The following SGCD variants were observed in gnomAD, a reference collection of about 807,000 sequenced individuals.
SGCD encodes the protein delta-sarcoglycan.
In SGCD, 18 loss-of-function variants were observed where a neutral mutation model predicts 36.6. That is an observed-to-expected ratio of 0.49 (90% CI 0.34 to 0.73). SGCD has a LOEUF of 0.73. Among genes scored for constraint, SGCD ranks in the 30% least tolerant of loss-of-function variants. The pLI, the probability that SGCD is intolerant of heterozygous loss-of-function variation, is 0.01. For synonymous variants in SGCD, 133 were observed against 130.6 expected (o/e 1.02, Z -0.12); for missense variants, 387 against 346.7 (o/e 1.12, Z -0.92).
the SGCD span, among the ~76,000 whole-genome samples, chr5:155,757,005 T>C: frequency 6.6e-6 from 1 of 152,152 alleles, no homozygotes; most frequent in Non-Finnish European, 1.5e-5. Flanking sequence ...CGGTAAGCAG[T>C]GGGTGATACC....
intron 4 of SGCD, among the ~76,000 whole-genome samples, chr5:156,535,008 A>G (rs1306434734): frequency 6.6e-6 from 1 of 152,240 alleles, no homozygotes; most frequent in Non-Finnish European, 1.5e-5. Context: ...TGCAATGCTC[A>G]GTTGACTCAT....
At chr5:156,358,316 G>A (rs1769592099) in intron 3 of SGCD, among the ~76,000 whole-genome samples, 1 of 152,116 alleles carries the variant, frequency 6.6e-6, no homozygotes, top group Admixed American at 6.5e-5. Context: ...AACCTGCATT[G>A]CAATCCTTGG....
intron 1 of SGCD, among the ~76,000 whole-genome samples, chr5:155,964,512 AT>A (rs1561665311): frequency 6.6e-6 from 1 of 151,692 alleles, no homozygotes; most frequent in East Asian, 1.9e-4. Context: ...CTAATTTTCT[AT>A]TTTTCGTAGA....
intron 3 of SGCD, among the ~76,000 whole-genome samples, chr5:156,319,803 T>C (rs1767611051): frequency 6.6e-6 from 1 of 152,226 alleles, no homozygotes; most frequent in Admixed American, 6.5e-5. Context: ...AGGTTGGACT[T>C]GATGACATAT....
chr5:155,975,425 CA>C (rs1270641724), intron 1 of SGCD, among the ~76,000 whole-genome samples: 1 of 151,914 alleles, frequency 6.6e-6, no homozygotes, highest in Non-Finnish European at 1.5e-5. Flanking sequence ...GACGGTCCCC[CA>C]AGCAAAGAAT....
At chr5:156,380,230 T>C (rs1251679453) in intron 3 of SGCD, among the ~76,000 whole-genome samples, 1 of 152,200 alleles carries the variant, frequency 6.6e-6, no homozygotes, top group Non-Finnish European at 1.5e-5. Flanking sequence ...AGAGAATTGC[T>C]GCAGTAACAA....
chr5:155,811,571 G>A, the SGCD span, among the ~76,000 whole-genome samples: 2 of 152,172 alleles, frequency 1.3e-5, no homozygotes, highest in Non-Finnish European at 2.9e-5. Flanking sequence ...CCAAAAATAA[G>A]CCACCATACG....
intron 7 of SGCD, among the ~76,000 whole-genome samples, chr5:156,734,484 G>A (rs1314907518): frequency 6.6e-6 from 1 of 152,036 alleles, no homozygotes; most frequent in Non-Finnish European, 1.5e-5. Context: ...TTTCTAAATT[G>A]GCTCCATTCT....
intron 1 of SGCD, among the ~76,000 whole-genome samples, chr5:155,912,705 C>A (rs1333535743): frequency 6.6e-6 from 1 of 152,120 alleles, no homozygotes; most frequent in African/African-American, 2.4e-5. Context: ...AGTATGATAG[C>A]CAATTCATTT....
chr5:156,109,642 C>T (rs1761736385), intron 1 of SGCD, among the ~76,000 whole-genome samples: 2 of 152,140 alleles, frequency 1.3e-5, no homozygotes, highest in African/African-American at 4.8e-5. Context: ...CCCGTAGTTT[C>T]TTCTGCCTGA....
At chr5:156,229,277 C>CATACATATATATATATAT (rs1764942419) in intron 3 of SGCD, among the ~76,000 whole-genome samples, 2 of 56,498 alleles carry the variant, frequency 3.5e-5, no homozygotes, top group African/African-American at 1.6e-4. Context: ...TATATACATA[C>CATACATATATATATATAT]ATATATATAT....
chr5:155,748,780 T>C, the SGCD span, among the ~76,000 whole-genome samples: 1 of 152,182 alleles, frequency 6.6e-6, no homozygotes, highest in Non-Finnish European at 1.5e-5. Context: ...TTGAGAAAGA[T>C]GTGCTATACT....
intron 4 of SGCD, among the ~76,000 whole-genome samples, chr5:156,514,096 G>T (rs575155842): frequency 2.6e-5 from 4 of 152,234 alleles, no homozygotes; most frequent in African/African-American, 9.6e-5. Context: ...GCAAGTTTTT[G>T]GCAGGAACTA....
chr5:156,166,470 C>G (rs367942808), intron 3 of SGCD, among the ~76,000 whole-genome samples: 1 of 152,176 alleles, frequency 6.6e-6, no homozygotes, highest in African/African-American at 2.4e-5. Flanking sequence ...ATGCCAGACA[C>G]CACGCCTGGC....
At chr5:156,023,275 G>A (rs1759149908) in intron 1 of SGCD, among the ~76,000 whole-genome samples, 1 of 152,192 alleles carries the variant, frequency 6.6e-6, no homozygotes, top group Non-Finnish European at 1.5e-5. Flanking sequence ...AATCCAGGTG[G>A]TACAAATGAT....
At chr5:156,269,519 T>A in intron 3 of SGCD, among the ~76,000 whole-genome samples, 1 of 112,050 alleles carries the variant, frequency 8.9e-6, no homozygotes, top group Admixed American at 1.1e-4. Flanking sequence ...AACCATCAGA[T>A]CTCATGAAAC....
intron 1 of SGCD, among the ~76,000 whole-genome samples, chr5:156,084,774 T>C (rs1296014509): frequency 2.0e-5 from 3 of 152,204 alleles, no homozygotes; most frequent in African/African-American, 4.8e-5. Flanking sequence ...TTATTCCTGA[T>C]CTTAGAGAAA....
chr5:156,003,745 T>C (rs1758706547), intron 1 of SGCD, among the ~76,000 whole-genome samples: 1 of 152,194 alleles, frequency 6.6e-6, no homozygotes, highest in East Asian at 1.9e-4. Flanking sequence ...AAGGATAAGC[T>C]AGTGGATTTT....
chr5:156,071,232 A>G (rs1178532694), intron 1 of SGCD, among the ~76,000 whole-genome samples: 2 of 152,030 alleles, frequency 1.3e-5, no homozygotes, highest in Admixed American at 6.6e-5. Flanking sequence ...TAGGGTGTCA[A>G]TTTTGGATCT....
Sources: allele counts gnomAD v4.1 joint callset (sites outside exome capture counted in the v4.1 genomes callset), GRCh38; gene constraint gnomAD v4.1.1; transcripts MANE v1.5; gene names NCBI Gene and HGNC (gene_info 2026-07-23, HGNC 2026-07-21).